CORO2A: variants seen among roughly 807,000 people sequenced by gnomAD.
The protein encoded by CORO2A is coronin-2A.
Under a neutral mutation model 62.4 loss-of-function variants are expected in CORO2A, and 47 were observed. That is an observed-to-expected ratio of 0.75 (90% CI 0.60 to 0.96). The LOEUF is 0.96. Ranked by LOEUF, CORO2A falls within the 40% of genes least tolerant of loss-of-function variation. The pLI is 0.00. For missense variants in CORO2A, 610 were observed against 684.1 expected (o/e 0.89, Z 1.21); for synonymous variants, 273 against 268.9 (o/e 1.02, Z -0.15).
In CORO2A at chr9:98,126,565, G is replaced by C; in HGVS notation, c.1430C>G (p.Pro477Arg). 1.9e-6 allele frequency: 3 copies of C among 1,613,792 alleles called. No individual in the cohort carries two copies. Among genetic ancestry groups the C allele is most frequent in the Non-Finnish European group, 2.5e-6 (3 of 1,179,784 alleles). ...NGFDVFECPP[P>R]KTENELLQMF... Reference sequence around the variant, plus strand: ...CCTTCACACCTCATTCTCTGTCTTTGGTGGGGGGCATTCGAAAACGTCAAA... The same window carrying C: ...CCTTCACACCTCATTCTCTGTCTTTCGTGGGGGGCATTCGAAAACGTCAAA... The change falls in exon 11 of 12, where the codon CCA (proline) becomes CGA (arginine). Residue 477 changes from proline to arginine, a missense_variant. Physicochemically the swap from Pro to Arg is moderately radical, Grantham distance 103. Coordinates refer to ENST00000375077, the MANE Select transcript of CORO2A (RefSeq NM_052820.4).
At chr9:98,138,549 T>C (rs1382237773) in intron 2 of CORO2A, among the ~76,000 whole-genome samples, 1 of 152,188 alleles carries the variant, frequency 6.6e-6, no homozygotes, top group Non-Finnish European at 1.5e-5. Context: ...AGCAGAATAC[T>C]ACTGTCCCTA....
At chr9:98,158,974 C>T (rs1433377225) in intron 1 of CORO2A, among the ~76,000 whole-genome samples, 1 of 152,088 alleles carries the variant, frequency 6.6e-6, no homozygotes, top group Non-Finnish European at 1.5e-5. Flanking sequence ...AACCCATACC[C>T]ATAATACCAG....
intron 1 of CORO2A, among the ~76,000 whole-genome samples, chr9:98,185,972 A>G (rs1251377949): frequency 4.6e-5 from 7 of 152,278 alleles, no homozygotes; most frequent in Non-Finnish European, 8.8e-5. Context: ...CAAAGCCCCA[A>G]ACTCACCTCC....
chr9:98,162,148 G>A (rs549172404), intron 1 of CORO2A, among the ~76,000 whole-genome samples: 70 of 152,320 alleles, frequency 4.6e-4, no homozygotes, highest in African/African-American at 1.7e-3. Context: ...GGGTCACACA[G>A]CTAGTGAACA....
chr9:98,174,127 CAAAACAA>C (rs1322828782), intron 1 of CORO2A, among the ~76,000 whole-genome samples: 1 of 137,654 alleles, frequency 7.3e-6, no homozygotes, highest in Non-Finnish European at 1.5e-5. Flanking sequence ...CCCCCACCGC[CAAAACAA>C]AAAACAAAAA....
intron 2 of CORO2A, among the ~76,000 whole-genome samples, chr9:98,149,395 C>T (rs752285658): frequency 6.6e-6 from 1 of 152,184 alleles, no homozygotes; most frequent in Non-Finnish European, 1.5e-5. Flanking sequence ...TGATTAGTGG[C>T]TCCTGGGTGT....
At chr9:98,127,940 G>A (rs534476646) in intron 10 of CORO2A, among the ~76,000 whole-genome samples, 4 of 151,874 alleles carry the variant, frequency 2.6e-5, no homozygotes, top group Non-Finnish European at 5.9e-5. Flanking sequence ...GAAGCTTTCC[G>A]TGGGGCAAAG....
intron 7 of CORO2A, among the ~76,000 whole-genome samples, chr9:98,130,444 T>C (rs1251065284): frequency 6.6e-6 from 1 of 152,176 alleles, no homozygotes; most frequent in Admixed American, 6.5e-5. Context: ...CCACCCTTTT[T>C]CCTCTAAGAC....
At chr9:98,174,838 T>C (rs1828087748) in intron 1 of CORO2A, among the ~76,000 whole-genome samples, 1 of 152,106 alleles carries the variant, frequency 6.6e-6, no homozygotes, top group South Asian at 2.1e-4. Flanking sequence ...CAGTCTCAGG[T>C]ATGTCATTAT....
chr9:98,127,396 G>A (rs1263609057), intron 10 of CORO2A, among the ~76,000 whole-genome samples: 1 of 152,202 alleles, frequency 6.6e-6, no homozygotes, highest in Non-Finnish European at 1.5e-5. Flanking sequence ...GAGCAGCTGG[G>A]GTGACTGCTT....
intron 1 of CORO2A, among the ~76,000 whole-genome samples, chr9:98,169,581 T>C (rs1828006201): frequency 6.6e-6 from 1 of 152,140 alleles, no homozygotes; most frequent in African/African-American, 2.4e-5. Flanking sequence ...CAGGATAAAG[T>C]CCTCTGCTGG....
At chr9:98,189,259 A>T (rs1168673915) in intron 1 of CORO2A, among the ~76,000 whole-genome samples, 1 of 152,034 alleles carries the variant, frequency 6.6e-6, no homozygotes, top group South Asian at 2.1e-4. Flanking sequence ...AAAGTCACCT[A>T]CTCCTGGCCC....
intron 2 of CORO2A, among the ~76,000 whole-genome samples, chr9:98,155,596 C>G (rs1827793410): frequency 6.6e-6 from 1 of 152,148 alleles, no homozygotes; most frequent in Non-Finnish European, 1.5e-5. Context: ...CCACCCACCT[C>G]AGCCTCCCAA....
intron 2 of CORO2A, among the ~76,000 whole-genome samples, chr9:98,144,045 C>A (rs1827609384): frequency 6.6e-6 from 1 of 151,998 alleles, no homozygotes; most frequent in Non-Finnish European, 1.5e-5. Flanking sequence ...AAAAATTAGT[C>A]CGGTGTAGGG....
intron 2 of CORO2A, among the ~76,000 whole-genome samples, chr9:98,154,323 T>TTGTGAG (rs1827770207): frequency 9.8e-6 from 1 of 102,162 alleles, no homozygotes; most frequent in South Asian, 3.0e-4. Flanking sequence ...TCTTATGTGT[T>TTGTGAG]TGTGTGTATA....
chr9:98,150,088 C>G (rs367736265), intron 2 of CORO2A, among the ~76,000 whole-genome samples: 7 of 152,026 alleles, frequency 4.6e-5, no homozygotes, highest in African/African-American at 1.7e-4. Context: ...GCTGCCACCA[C>G]GCCCAACTAA....
intron 1 of CORO2A, among the ~76,000 whole-genome samples, chr9:98,162,867 A>G (rs763456174): frequency 5.3e-4 from 80 of 152,256 alleles, no homozygotes; most frequent in Admixed American, 9.2e-4. Context: ...GCACTTGCCC[A>G]CAAGTGAGTA....
chr9:98,153,451 A>G, intron 2 of CORO2A, among the ~76,000 whole-genome samples: 1 of 150,484 alleles, frequency 6.6e-6, no homozygotes, highest in African/African-American at 2.5e-5. Flanking sequence ...TCTGTCACCC[A>G]GGCTGGAGTG....
chr9:98,188,442 G>C (rs7038945), intron 1 of CORO2A, among the ~76,000 whole-genome samples: 2 of 151,932 alleles, frequency 1.3e-5, no homozygotes, highest in Non-Finnish European at 2.9e-5. Context: ...TAATATCAGC[G>C]CCTTCCCCCT....
Sources: allele counts gnomAD v4.1 joint callset (sites outside exome capture counted in the v4.1 genomes callset), GRCh38; gene constraint gnomAD v4.1.1; transcripts MANE v1.5; gene names NCBI Gene and HGNC (gene_info 2026-07-23, HGNC 2026-07-21).